NHSL2: variants seen among roughly 807,000 people sequenced by gnomAD.
The protein encoded by NHSL2 is NHS-like protein 2.
A neutral mutation model predicts 53.4 loss-of-function variants in NHSL2; 27 were observed. The ratio of observed to expected loss-of-function variants is 0.51; its 90% CI spans 0.37 to 0.70. The LOEUF (loss-of-function observed/expected upper bound fraction) is 0.70. NHSL2 is among the 30% of genes least tolerant of loss of function. NHSL2 has a pLI of 0.00. For missense variants in NHSL2, 892 were observed against 980.1 expected, an observed-to-expected ratio of 0.91 and a Z score of 1.20; for synonymous variants, 408 against 404.1, an observed-to-expected ratio of 1.01 and a Z score of -0.12.
At chrX:72,018,824 C>T (rs576140643) in intron 1 of NHSL2, among the ~76,000 whole-genome samples, 1 of 112,830 alleles carries the variant, frequency 8.9e-6, no homozygotes, top group South Asian at 3.6e-4. Flanking sequence ...CAAAGGCCGG[C>T]GCTGCCTTTG....
intron 1 of NHSL2, among the ~76,000 whole-genome samples, chrX:72,002,938 G>A (rs1424282898): frequency 9.0e-6 from 1 of 111,045 alleles, no homozygotes; most frequent in African/African-American, 3.3e-5. Flanking sequence ...AATTGCTGAT[G>A]GGATTTGGAA....
chrX:72,021,503 AT>A (rs1318677719), intron 1 of NHSL2, among the ~76,000 whole-genome samples: 1 of 111,868 alleles, frequency 8.9e-6, no homozygotes, highest in East Asian at 2.8e-4. Context: ...CTCTGAATCT[AT>A]ACTGGGGTAG....
intron 1 of NHSL2, among the ~76,000 whole-genome samples, chrX:72,015,459 A>G (rs2042131739): frequency 8.9e-6 from 1 of 112,448 alleles, no homozygotes; most frequent in Non-Finnish European, 1.9e-5. Flanking sequence ...CAATCTTTCA[A>G]TAAACATCCA....
At chrX:72,001,977 G>A (rs1481898955) in intron 1 of NHSL2, among the ~76,000 whole-genome samples, 2 of 112,913 alleles carry the variant, frequency 1.8e-5, no homozygotes, top group Admixed American at 9.3e-5. Flanking sequence ...ATGCCCACAG[G>A]TGTATTTTGT....
At chrX:72,079,530 T>C (rs1327585425) in intron 1 of NHSL2, among the ~76,000 whole-genome samples, 1 of 112,247 alleles carries the variant, frequency 8.9e-6, no homozygotes, top group African/African-American at 3.2e-5. Context: ...GTGGTGAGGA[T>C]GATAGGAGAT....
At chrX:72,117,728 G>T (rs2042150593) in intron 1 of NHSL2, among the ~76,000 whole-genome samples, 1 of 111,312 alleles carries the variant, frequency 9.0e-6, no homozygotes, top group Non-Finnish European at 1.9e-5. Flanking sequence ...CACATAACAT[G>T]ATGTTTCAAG....
intron 1 of NHSL2, among the ~76,000 whole-genome samples, chrX:72,014,519 T>C (rs2042128239): frequency 8.9e-6 from 1 of 112,221 alleles, no homozygotes; most frequent in Non-Finnish European, 1.9e-5. Context: ...ATTTTTAAAA[T>C]TTATCTTGAA....
chrX:71,963,973 A>ATG (rs1569467017), intron 1 of NHSL2, among the ~76,000 whole-genome samples: 633 of 44,326 alleles, frequency 0.014, 57 homozygotes, highest in African/African-American at 0.07. Context: ...ATATATATAT[A>ATG]CATATATATA....
Position 72,134,170 on chromosome X carries a change from C to T in NHSL2, c.516C>T (p.Thr172=), listed in dbSNP as rs746973250. 8 of 1,166,258 alleles carry T rather than the reference C, an allele frequency of 6.9e-6. No homozygotes were observed. The highest frequency in any genetic ancestry group is 3.6e-5 in the African/African-American group (2 of 56,044). Reference sequence around the variant, plus strand: ...CTTCTGATGAGGCCACTAAGCCCACCCCCAACCCAAGGCCCCAGTCTGCCA... The same window carrying T: ...CTTCTGATGAGGCCACTAAGCCCACTCCCAACCCAAGGCCCCAGTCTGCCA... ...FRSSDEATKP[T]PNPRPQSARR... Residue 172 remains threonine, a synonymous_variant, in exon 3 of 8, where the codon ACC becomes ACT. Coordinates refer to ENST00000633930, the MANE Select transcript of NHSL2 (RefSeq NM_001013627.3).
chrX:72,005,760 C>T (rs1643489101), intron 1 of NHSL2, among the ~76,000 whole-genome samples: 1 of 111,666 alleles, frequency 9.0e-6, no homozygotes, highest in Admixed American at 9.4e-5. Context: ...GCCCAGAAGC[C>T]CATAATGTAG....
intron 1 of NHSL2, among the ~76,000 whole-genome samples, chrX:72,108,064 CAG>C (rs1023722153): frequency 9.0e-6 from 1 of 111,560 alleles, no homozygotes; most frequent in Non-Finnish European, 1.9e-5. Flanking sequence ...TGAGAAGTAA[CAG>C]GGCTTTGATT....
At chrX:71,948,367 G>A (rs934319194) in intron 1 of NHSL2, among the ~76,000 whole-genome samples, 2 of 111,473 alleles carry the variant, frequency 1.8e-5, no homozygotes, top group African/African-American at 6.5e-5. Context: ...GGGGTTGTGA[G>A]CATGTGCAAG....
At chrX:71,933,580 A>G (rs1292255867) in intron 1 of NHSL2, among the ~76,000 whole-genome samples, 1 of 111,904 alleles carries the variant, frequency 8.9e-6, no homozygotes, top group African/African-American at 3.3e-5. Flanking sequence ...AGGCTCTGAC[A>G]TTTATTAGCT....
intron 1 of NHSL2, among the ~76,000 whole-genome samples, chrX:71,919,456 T>TCA (rs2041645963): frequency 8.9e-6 from 1 of 112,278 alleles, no homozygotes; most frequent in Admixed American, 9.4e-5. Context: ...CTTGCTGAAA[T>TCA]CCCTGGATGG....
At chrX:72,131,565 G>A in intron 1 of NHSL2, 1 of 1,144,394 alleles carries the variant, frequency 8.7e-7, no homozygotes, top group Non-Finnish European at 1.2e-6. Flanking sequence ...GGGCCCTGGG[G>A]CTCCGTGGTG....
At chrX:72,065,073 C>A (rs1050135281) in intron 1 of NHSL2, among the ~76,000 whole-genome samples, 1 of 111,225 alleles carries the variant, frequency 9.0e-6, no homozygotes. Context: ...TGGATGTGCA[C>A]CTTGATGAGT....
intron 1 of NHSL2, among the ~76,000 whole-genome samples, chrX:71,921,132 T>C (rs935070885): frequency 9.3e-5 from 10 of 107,769 alleles, no homozygotes; most frequent in East Asian, 3.2e-4. Context: ...TAAGAGAACA[T>C]AGGGGTTGGG....
chrX:72,110,340 T>G (rs776258455), intron 1 of NHSL2, among the ~76,000 whole-genome samples: 1 of 111,032 alleles, frequency 9.0e-6, no homozygotes, highest in South Asian at 3.9e-4. Context: ...GAGAATGACC[T>G]CCTCATCACC....
chrX:72,009,267 C>G (rs2042106467), intron 1 of NHSL2, among the ~76,000 whole-genome samples: 1 of 112,705 alleles, frequency 8.9e-6, no homozygotes. Context: ...GCCGCCAACT[C>G]ATGGTGACCC....
Sources: allele counts gnomAD v4.1 joint callset (sites outside exome capture counted in the v4.1 genomes callset), GRCh38; gene constraint gnomAD v4.1.1; transcripts MANE v1.5; gene names NCBI Gene and HGNC (gene_info 2026-07-23, HGNC 2026-07-21).